FOXK2: variants seen among roughly 807,000 people sequenced by gnomAD.
The protein encoded by FOXK2 is forkhead box protein K2.
A neutral mutation model predicts 53.3 loss-of-function variants in FOXK2; 24 were observed. The ratio of observed to expected loss-of-function variants is 0.45; its 90% CI spans 0.33 to 0.63. The LOEUF (loss-of-function observed/expected upper bound fraction) is 0.63, where lower values mean the gene tolerates loss of function less well. FOXK2 is among the 30% of genes least tolerant of loss of function. FOXK2 has a pLI of 0.03. For missense variants in FOXK2, 952 were observed against 910.5 expected (o/e 1.05, Z -0.59); for synonymous variants, 505 against 407.1 (o/e 1.24, Z -2.89).
chr17:82,570,738 A>G (rs986619694), intron 3 of FOXK2, among the ~76,000 whole-genome samples: 2 of 152,200 alleles, frequency 1.3e-5, no homozygotes, highest in Admixed American at 1.3e-4. Context: ...CTCTTCATCC[A>G]TGTTGACAAG....
At chr17:82,596,732 G>C (rs934892329) in intron 8 of FOXK2, among the ~76,000 whole-genome samples, 1 of 152,160 alleles carries the variant, frequency 6.6e-6, no homozygotes, top group Non-Finnish European at 1.5e-5. Flanking sequence ...TGATTGGGAC[G>C]GTGTTGAATC....
chr17:82,554,107 C>T (rs1050601885), intron 1 of FOXK2, among the ~76,000 whole-genome samples: 1 of 152,206 alleles, frequency 6.6e-6, no homozygotes, highest in Non-Finnish European at 1.5e-5. Flanking sequence ...GCTGGGATTA[C>T]AGGCGTGAGC....
At chr17:82,587,923 C>T (rs2045209131) in intron 8 of FOXK2, among the ~76,000 whole-genome samples, 1 of 152,196 alleles carries the variant, frequency 6.6e-6, no homozygotes, top group Admixed American at 6.5e-5. Flanking sequence ...GTGGCTGATC[C>T]TGGCGCTTGC....
chr17:82,531,227 A>G (rs1166168984), intron 1 of FOXK2, among the ~76,000 whole-genome samples: 2 of 152,138 alleles, frequency 1.3e-5, no homozygotes, highest in African/African-American at 4.8e-5. Flanking sequence ...TGGGTACTCG[A>G]TAGGACTCAA....
chr17:82,528,321 A>C (rs372699603), intron 1 of FOXK2, among the ~76,000 whole-genome samples: 1 of 152,154 alleles, frequency 6.6e-6, no homozygotes, highest in East Asian at 1.9e-4. Flanking sequence ...GAAGAGAAAG[A>C]TTTTTTTGGA....
intron 1 of FOXK2, among the ~76,000 whole-genome samples, chr17:82,552,079 C>T (rs1308298483): frequency 1.3e-5 from 2 of 152,242 alleles, no homozygotes; most frequent in African/African-American, 2.4e-5. Flanking sequence ...GGCTTCCAAA[C>T]ACTCTCCATG....
chr17:82,594,495 CAAAAAAAA>C (rs67410458), intron 8 of FOXK2, among the ~76,000 whole-genome samples: 1 of 116,712 alleles, frequency 8.6e-6, no homozygotes. Flanking sequence ...GAGACTGTCT[CAAAAAAAA>C]AAAAAAAAAA....
chr17:82,529,664 G>A (rs535554799), intron 1 of FOXK2, among the ~76,000 whole-genome samples: 2 of 152,290 alleles, frequency 1.3e-5, no homozygotes, highest in East Asian at 1.9e-4. Flanking sequence ...GGGATTACAG[G>A]CGTGAGCCAT....
At chr17:82,573,066 G>A (rs903591932) in intron 4 of FOXK2, among the ~76,000 whole-genome samples, 6 of 152,006 alleles carry the variant, frequency 3.9e-5, no homozygotes, top group Non-Finnish European at 5.9e-5. Context: ...GGTGGCTTAC[G>A]CTTGTAGTCC....
chr17:82,590,400 C>T (rs1193655835), intron 8 of FOXK2, among the ~76,000 whole-genome samples: 4 of 152,304 alleles, frequency 2.6e-5, no homozygotes, highest in African/African-American at 9.6e-5. Flanking sequence ...AAGCAGTCTG[C>T]CCACCTCGGC....
intron 2 of FOXK2, among the ~76,000 whole-genome samples, 153 bp downstream of exon 2, chr17:82,563,701 C>T (rs913479776): frequency 6.6e-6 from 1 of 151,226 alleles, no homozygotes; most frequent in Non-Finnish European, 1.5e-5. Context: ...GAATTTCCTG[C>T]ATTATGAAAT....
chr17:82,520,561 C>T (rs887695573), intron 1 of FOXK2, among the ~76,000 whole-genome samples: 13 of 152,344 alleles, frequency 8.5e-5, no homozygotes, highest in South Asian at 2.1e-4. Flanking sequence ...GCCGGGGCTG[C>T]GGGCGGCTGC....
Position 82,586,081 on chromosome 17 carries a change from C to T in FOXK2, c.1457C>T (p.Ala486Val), listed in dbSNP as rs1046598589. ...QIPAVSVTSV[A>V]GLAPANTYTV... ...CCAGCGGTGTCGGTCACCAGTGTGG[C>T]CGGACTGGCCCCAGCGAACACGTAC... The change falls in exon 7 of 9, where the codon GCC becomes GTC. Residue 486 changes from alanine (A) to valine (V), a missense_variant. Physicochemically the swap from Ala to Val is moderately conservative, Grantham distance 64. Around this residue, in one of 5 missense-constraint regions of FOXK2, gnomAD observed 551 missense variants for 385.1 expected, o/e 1.43. Coordinates refer to ENST00000335255, the MANE Select transcript of FOXK2 (RefSeq NM_004514.4). 3.1e-6 allele frequency: 5 copies of T among 1,612,670 alleles called. No homozygotes were observed. The highest frequency in any genetic ancestry group is 4.2e-6 in the Non-Finnish European group (5 of 1,179,986).
At chr17:82,525,344 C>CT (rs571857735) in intron 1 of FOXK2, among the ~76,000 whole-genome samples, 8 of 151,836 alleles carry the variant, frequency 5.3e-5, no homozygotes, top group African/African-American at 9.7e-5. Flanking sequence ...GCCTGGCTAA[C>CT]TTTTTTTGCA....
rs573547136 is a variant in FOXK2, at chr17:82,574,508, C to T, written c.909+2638C>T. ...GCTAATTTTGTATTTTTAGCAGAGA[C>T]GGGGTTCCTCCATGTTGGTCAGGCT... On this transcript the variant is annotated intron_variant, in intron 4 of 8. Coordinates refer to ENST00000335255, the MANE Select transcript of FOXK2 (RefSeq NM_004514.4). Among the ~76,000 whole-genome samples the T allele has an allele frequency of 8.5e-5, 13 of 152,224 alleles. No homozygotes were observed. In the East Asian group the frequency reaches 1.7e-3, roughly 20 times the overall value.
chr17:82,535,605 A>G (rs2144060579), intron 1 of FOXK2, among the ~76,000 whole-genome samples: 1 of 152,286 alleles, frequency 6.6e-6, no homozygotes, highest in East Asian at 1.9e-4. Flanking sequence ...TTGAACTGCT[A>G]GCATGAGCTT....
At chr17:82,592,035 C>T (rs2045257707) in intron 8 of FOXK2, among the ~76,000 whole-genome samples, 1 of 152,244 alleles carries the variant, frequency 6.6e-6, no homozygotes, top group Admixed American at 6.5e-5. Context: ...TCCCAAGTAG[C>T]TGGGACTACA....
intron 4 of FOXK2, chr17:82,576,652 AT>A: frequency 8.7e-7 from 1 of 1,153,546 alleles, no homozygotes; most frequent in Non-Finnish European, 1.3e-6. Flanking sequence ...ACAGAAGATG[AT>A]TGACACAACG....
At chr17:82,574,052 T>C (rs867082328) in intron 4 of FOXK2, among the ~76,000 whole-genome samples, 1 of 152,206 alleles carries the variant, frequency 6.6e-6, no homozygotes, top group Non-Finnish European at 1.5e-5. Context: ...CTTTCTGTCG[T>C]CTATTGCAGG....
Sources: gnomAD v4.1 joint callset for allele counts (sites outside exome capture counted in the v4.1 genomes callset) on GRCh38, gnomAD v4.1.1 for gene constraint, gnomAD v4.1.1 regional missense constraint, MANE v1.5 for transcripts, NCBI Gene and HGNC (gene_info 2026-07-23, HGNC 2026-07-21) for gene names.